Variants in COL23A1 observed in about 807,000 individuals in gnomAD.
COL23A1 encodes collagen alpha-1(XXIII) chain.
COL23A1 carries 97 observed loss-of-function variants against 99.3 expected under a neutral mutation model. The observed-to-expected ratio is 0.98, with a 90% confidence interval of 0.83 to 1.16. The LOEUF (loss-of-function observed/expected upper bound fraction) is 1.16. COL23A1 is among the 50% of genes most tolerant of loss of function. The pLI, the probability that COL23A1 is intolerant of heterozygous loss-of-function variation, is 0.00. For missense variants in COL23A1, 762 were observed against 757.4 expected, an observed-to-expected ratio of 1.01 and a Z score of -0.07; for synonymous variants, 320 against 308.2, an observed-to-expected ratio of 1.04 and a Z score of -0.40.
rs138941168 is a variant in COL23A1, at chr5:178,486,899, C to T, written c.361+73783G>A. 1.6e-3 allele frequency among the ~76,000 whole-genome samples: 251 copies of T among 152,312 alleles called. 1 individual carries two copies. The highest frequency in any genetic ancestry group is 5.6e-3 in the Admixed American group (86 of 15,306). ...TGAGTGGGGAAACGAAGGAAACTGACGGGGGTGCTGAAATTAAACATCCCT... is the reference window on the plus strand; with the variant it reads ...TGAGTGGGGAAACGAAGGAAACTGATGGGGGTGCTGAAATTAAACATCCCT... On this transcript the variant is annotated intron_variant, in intron 2 of 28. Transcript: ENST00000390654.
chr5:178,443,390 G>T (rs1048291743), intron 2 of COL23A1, among the ~76,000 whole-genome samples: 3 of 152,222 alleles, frequency 2.0e-5, no homozygotes, highest in African/African-American at 7.2e-5. Context: ...ATTCTGGCCA[G>T]AGTTTTCAAA....
chr5:178,405,882 C>A (rs997914038), intron 2 of COL23A1, among the ~76,000 whole-genome samples: 11 of 152,180 alleles, frequency 7.2e-5, no homozygotes, highest in African/African-American at 2.7e-4. Flanking sequence ...GCGGGTGGAT[C>A]ACTTGAGGTC....
In COL23A1 at chr5:178,307,496, C is replaced by T. The variant is rs1246558778; in HGVS notation, c.362-577G>A. Reference sequence around the variant, plus strand: ...CCCCAGAGCCAGGGAGCTGCTCAGCCGCCTTCTGGGCTTCCTGTCCACGTC... The same window carrying T: ...CCCCAGAGCCAGGGAGCTGCTCAGCTGCCTTCTGGGCTTCCTGTCCACGTC... On this transcript the variant is annotated intron_variant, in intron 2 of 28. Transcript: ENST00000390654. The surrounding 1 kb of genome is among the most constrained non-coding windows in gnomAD (Gnocchi z 4.2). Among the ~76,000 whole-genome samples, 4 of 152,252 alleles carry T rather than the reference C, an allele frequency of 2.6e-5. No homozygotes were observed. The highest frequency in any genetic ancestry group is 4.8e-5 in the African/African-American group (2 of 41,474).
intron 2 of COL23A1, among the ~76,000 whole-genome samples, chr5:178,324,549 C>T (rs145117791): frequency 9.9e-5 from 15 of 152,254 alleles, no homozygotes; most frequent in East Asian, 3.9e-4. Flanking sequence ...AGCCCTGTCA[C>T]GCAAGTCGCT....
chr5:178,484,244 G>T (rs1757491475), intron 2 of COL23A1, among the ~76,000 whole-genome samples: 1 of 152,050 alleles, frequency 6.6e-6, no homozygotes, highest in Non-Finnish European at 1.5e-5. Flanking sequence ...AAAGAAGTTT[G>T]TTTTCATTTT....
At chr5:178,408,670 T>G (rs1277584992) in intron 2 of COL23A1, among the ~76,000 whole-genome samples, 1 of 151,962 alleles carries the variant, frequency 6.6e-6, no homozygotes, top group Non-Finnish European at 1.5e-5. Flanking sequence ...TATACACTTA[T>G]CAGGCCAGGC....
rs1158062695 is a variant in COL23A1, at chr5:178,314,525, G to C, written c.362-7606C>G. On this transcript the variant is annotated intron_variant, in intron 2 of 28. Transcript: ENST00000390654. Reference sequence around the variant, plus strand: ...GGCCCTGTTAGGAGGGGCTGGGGTGGTAGGTGTCCCCAGTGTCACATTCAC... The same window carrying C: ...GGCCCTGTTAGGAGGGGCTGGGGTGCTAGGTGTCCCCAGTGTCACATTCAC... 2.6e-5 allele frequency among the ~76,000 whole-genome samples: 4 copies of C among 152,178 alleles called. No homozygotes were observed. In the East Asian group the frequency reaches 7.7e-4, roughly 29 times the overall value.
intron 2 of COL23A1, among the ~76,000 whole-genome samples, chr5:178,470,091 C>A (rs1340551767): frequency 2.6e-5 from 4 of 152,236 alleles, no homozygotes; most frequent in African/African-American, 9.6e-5. Context: ...CATATCCAGA[C>A]ACTGAGAGGC....
chr5:178,391,133 C>A (rs542500496), intron 2 of COL23A1, among the ~76,000 whole-genome samples: 12 of 152,300 alleles, frequency 7.9e-5, no homozygotes, highest in African/African-American at 2.6e-4. Context: ...CTATTGTGAA[C>A]TATGCATGCA....
chr5:178,504,106 C>T (rs1203654242), intron 2 of COL23A1, among the ~76,000 whole-genome samples: 1 of 152,094 alleles, frequency 6.6e-6, no homozygotes, highest in African/African-American at 2.4e-5. Flanking sequence ...TTGCTGTGGC[C>T]TGAGTTCCTG....
chr5:178,576,864 G>T (rs1763391054), intron 1 of COL23A1, among the ~76,000 whole-genome samples: 1 of 151,732 alleles, frequency 6.6e-6, no homozygotes, highest in South Asian at 2.1e-4. Context: ...CTGCGCGCAC[G>T]GGAGGCCGCC....
intron 2 of COL23A1, among the ~76,000 whole-genome samples, chr5:178,382,242 G>T (rs760548949): frequency 6.2e-4 from 94 of 152,254 alleles, no homozygotes; most frequent in African/African-American, 2.2e-3. Flanking sequence ...CAGCTGCTGC[G>T]GCTGATCATC....
intron 2 of COL23A1, among the ~76,000 whole-genome samples, chr5:178,349,194 A>AT (rs996797369): frequency 6.6e-6 from 1 of 151,998 alleles, no homozygotes; most frequent in Non-Finnish European, 1.5e-5. Context: ...CCATGCTTGG[A>AT]TTTTTTTCCC....
chr5:178,423,034 A>T (rs1765719544), intron 2 of COL23A1, among the ~76,000 whole-genome samples: 1 of 152,106 alleles, frequency 6.6e-6, no homozygotes, highest in South Asian at 2.1e-4. Context: ...TGGCATAATC[A>T]TAGCTCACTG....
chr5:178,286,608 G>A lies in COL23A1; in HGVS notation c.441+1716C>T, dbSNP rs555096155. On this transcript the variant is annotated intron_variant, in intron 5 of 28. Transcript: ENST00000390654. Reference sequence around the variant, plus strand: ...GGCTTCACAGCGAGTGAGCTGCAGAGATGAGAGCCACGCCCAGCTACTCCA... The same window carrying A: ...GGCTTCACAGCGAGTGAGCTGCAGAAATGAGAGCCACGCCCAGCTACTCCA... Among the ~76,000 whole-genome samples, 215 of 152,348 alleles carry A rather than the reference G, an allele frequency of 1.4e-3. 1 individual carries two copies. Among genetic ancestry groups the A allele is most frequent in the Non-Finnish European group, 2.4e-3 (160 of 68,026 alleles).
chr5:178,394,744 C>A (rs945368406), intron 2 of COL23A1, among the ~76,000 whole-genome samples: 5 of 151,856 alleles, frequency 3.3e-5, no homozygotes, highest in African/African-American at 1.2e-4. Context: ...TGGTATGCCT[C>A]CCCAGGGTCA....
intron 2 of COL23A1, among the ~76,000 whole-genome samples, chr5:178,551,854 C>T (rs1218378905): frequency 6.6e-6 from 1 of 152,118 alleles, no homozygotes; most frequent in Non-Finnish European, 1.5e-5. Context: ...TCCACTCAGA[C>T]ACCATCAACT....
chr5:178,337,448 A>G (rs1197537247), intron 2 of COL23A1, among the ~76,000 whole-genome samples: 2 of 152,222 alleles, frequency 1.3e-5, no homozygotes, highest in Non-Finnish European at 2.9e-5. Context: ...CATAAATTGG[A>G]GTGAGTTCAA....
chr5:178,462,244 C>G (rs375512456), intron 2 of COL23A1, among the ~76,000 whole-genome samples: 9 of 152,326 alleles, frequency 5.9e-5, no homozygotes, highest in Admixed American at 3.9e-4. Flanking sequence ...GGTTCCCCCC[C>G]ACCCAGCAAT....
Sources: gnomAD v4.1 joint callset for allele counts (sites outside exome capture counted in the v4.1 genomes callset) on GRCh38, gnomAD v4.1.1 for gene constraint, Gnocchi (gnomAD v3.1) non-coding constraint, MANE v1.5 for transcripts, NCBI Gene and HGNC (gene_info 2026-07-23, HGNC 2026-07-21) for gene names.